The following DUSP16 variants were observed in gnomAD, a reference collection of about 807,000 sequenced individuals.
DUSP16 encodes the protein dual specificity phosphatase 16.
Under a neutral mutation model 58.3 loss-of-function variants are expected in DUSP16, and 21 were observed. That is an observed-to-expected ratio of 0.36 (90% confidence interval 0.26 to 0.52). The LOEUF is 0.52. Ranked by LOEUF, DUSP16 falls within the 20% of genes least tolerant of loss-of-function variation. The probability of loss-of-function intolerance (pLI) is 0.94; values close to 1 mark genes in which losing one functional copy is unlikely to be tolerated. For missense variants in DUSP16, 726 were observed against 819.0 expected, an observed-to-expected ratio of 0.89 and a Z score of 1.39; for synonymous variants, 320 against 323.8, an observed-to-expected ratio of 0.99 and a Z score of 0.12.
At chr12:12,552,086 T>C (rs921895044) in intron 1 of DUSP16, among the ~76,000 whole-genome samples, 1 of 152,192 alleles carries the variant, frequency 6.6e-6, no homozygotes, top group Non-Finnish European at 1.5e-5. Context: ...GATGGACCAG[T>C]GGATTTTAAT....
intron 1 of DUSP16, among the ~76,000 whole-genome samples, chr12:12,556,467 T>C (rs962871147): frequency 3.3e-5 from 5 of 151,934 alleles, no homozygotes; most frequent in Admixed American, 6.6e-5. Flanking sequence ...CTCAGCTACT[T>C]GGGAGGCTGA....
intron 1 of DUSP16, among the ~76,000 whole-genome samples, chr12:12,533,369 G>A (rs1403387001): frequency 1.3e-5 from 2 of 152,162 alleles, no homozygotes; most frequent in African/African-American, 2.4e-5. Context: ...CAATGGCTTC[G>A]TCACTATTCT....
rs1483076562 is a variant in DUSP16 at position 12,521,296 on chromosome 12, G to A, written c.-198C>T. ...ATGTCTCTTTCTCTTTCCCGTTGAT[G>A]TGCTCTTGCAAAGGACTCCGTCCAC... On this transcript the variant is annotated 5_prime_UTR_variant, in exon 2 of 7. Transcript: ENST00000298573. 7.7e-6 allele frequency: 11 copies of A among 1,428,134 alleles called. No homozygotes were observed. Among genetic ancestry groups the A allele is most frequent in the South Asian group, 1.5e-5 (1 of 66,368 alleles). The allele number at this position is 1,428,134 out of a possible 1,614,324, so 88.5% of individuals were successfully genotyped here.
chr12:12,522,994 A>C (rs10845573), intron 1 of DUSP16, among the ~76,000 whole-genome samples: 13,098 of 152,262 alleles, frequency 0.086, 1,036 homozygotes, highest in East Asian at 0.37. Context: ...TAAGATTCTA[A>C]ATAAATATTT....
chr12:12,525,404 G>A (rs1944291361), intron 1 of DUSP16, among the ~76,000 whole-genome samples: 1 of 151,988 alleles, frequency 6.6e-6, no homozygotes, highest in South Asian at 2.1e-4. Context: ...CAGTAGCTGG[G>A]ATTACAGGCA....
chr12:12,532,346 ATATACT>A (rs1185213411), intron 1 of DUSP16, among the ~76,000 whole-genome samples: 2 of 152,228 alleles, frequency 1.3e-5, no homozygotes, highest in Non-Finnish European at 2.9e-5. Context: ...TGGTGTAAAA[ATATACT>A]TATTGACAGC....
intron 3 of DUSP16, among the ~76,000 whole-genome samples, chr12:12,513,752 A>G (rs1394137875): frequency 6.6e-6 from 1 of 152,208 alleles, no homozygotes; most frequent in African/African-American, 2.4e-5. Context: ...CATTTTTCAC[A>G]TGCAGGTTGA....
chr12:12,543,353 T>C (rs1342825231), intron 1 of DUSP16, among the ~76,000 whole-genome samples: 2 of 152,188 alleles, frequency 1.3e-5, no homozygotes, highest in African/African-American at 4.8e-5. Context: ...ATGTATCATA[T>C]ATAAATATGA....
chr12:12,539,938 CGGGAGGCTG>C (rs932946358), intron 1 of DUSP16, among the ~76,000 whole-genome samples: 4 of 151,652 alleles, frequency 2.6e-5, no homozygotes, highest in African/African-American at 9.7e-5. Context: ...CCCAGCTACT[CGGGAGGCTG>C]GGGAGGCTGA....
chr12:12,506,149 GAC>G (rs1413664880), intron 3 of DUSP16: 12 of 152,290 alleles, frequency 7.9e-5, no homozygotes, highest in Non-Finnish European at 1.5e-4. Flanking sequence ...CAACAGATGA[GAC>G]ACTGCCTGAT....
At chr12:12,540,262 A>G (rs2136250649) in intron 1 of DUSP16, among the ~76,000 whole-genome samples, 1 of 151,594 alleles carries the variant, frequency 6.6e-6, no homozygotes, top group African/African-American at 2.4e-5. Flanking sequence ...AGCCCGGGAG[A>G]TAGAGGTTGC....
At chr12:12,502,771 G>C (rs1006055493) in intron 3 of DUSP16, among the ~76,000 whole-genome samples, 5 of 151,968 alleles carry the variant, frequency 3.3e-5, no homozygotes, top group Admixed American at 1.3e-4. Context: ...GGCTGATCTG[G>C]AACTCCTGAC....
rs1184200923 is a variant in DUSP16 at position 12,516,980 on chromosome 12, A to G, written c.367+2882T>C. Among the ~76,000 whole-genome samples the G allele has an allele frequency of 5.9e-5, 9 of 152,314 alleles. No homozygotes were observed. In the East Asian group the frequency reaches 1.7e-3, roughly 29 times the overall value. On this transcript the variant is annotated intron_variant, in intron 3 of 6. Coordinates refer to ENST00000298573, the MANE Select transcript of DUSP16 (RefSeq NM_030640.3). ...CTCCTTCAGTAATCCTTCATTTTTCATGACCATGTAAGTAGGTCCTCCAGG... is the reference window on the plus strand; with the variant it reads ...CTCCTTCAGTAATCCTTCATTTTTCGTGACCATGTAAGTAGGTCCTCCAGG...
intron 1 of DUSP16, among the ~76,000 whole-genome samples, chr12:12,554,242 G>C (rs1036823851): frequency 1.4e-5 from 2 of 143,990 alleles, no homozygotes; most frequent in Admixed American, 7.0e-5. Context: ...CTTTTGATTA[G>C]CTAATTAGCT....
At chr12:12,558,112 C>T (rs12817369) in intron 1 of DUSP16, among the ~76,000 whole-genome samples, 36,611 of 152,212 alleles carry the variant, frequency 0.24, 5,093 homozygotes, top group Non-Finnish European at 0.29. Context: ...TTCTCCATAA[C>T]ATGGGCCAGT....
chr12:12,527,210 G>A (rs1357958306), intron 1 of DUSP16, among the ~76,000 whole-genome samples: 1 of 151,974 alleles, frequency 6.6e-6, no homozygotes, highest in Non-Finnish European at 1.5e-5. Flanking sequence ...CAAAACTGAA[G>A]AAACAGGCAA....
chr12:12,478,573 T>C lies in DUSP16; in HGVS notation c.816-558A>G, dbSNP rs1943503860. Among the ~76,000 whole-genome samples, 3 of 152,160 alleles carry C rather than the reference T, an allele frequency of 2.0e-5. 1 individual carries two copies. In the South Asian group the frequency reaches 6.2e-4, roughly 32 times the overall value. On this transcript the variant is annotated intron_variant, in intron 6 of 6. Coordinates refer to ENST00000298573, the MANE Select transcript of DUSP16 (RefSeq NM_030640.3). ...CTGGTCTTGAACTTCTGGGCTCAAG[T>C]GATTCTCCCACCTTGGCCTCCCAAA...
chr12:12,479,194 A>G (rs1712090750), intron 6 of DUSP16, among the ~76,000 whole-genome samples: 1 of 152,158 alleles, frequency 6.6e-6, no homozygotes, highest in African/African-American at 2.4e-5. Context: ...CCAATTCTTC[A>G]GCGGCCCCTG....
chr12:12,487,186 T>C lies in DUSP16; in HGVS notation c.533A>G (p.Glu178Gly). The C allele has an allele frequency of 6.2e-7, 1 of 1,613,606 alleles. No homozygotes were observed. Among genetic ancestry groups the C allele is most frequent in the Non-Finnish European group, 8.5e-7 (1 of 1,179,584 alleles). Residue 178 changes from glutamate (E) to glycine (G), a missense_variant and splice_region_variant, in exon 5 of 7, where the codon GAG (glutamate) becomes GGG (glycine). Coordinates refer to ENST00000298573, the MANE Select transcript of DUSP16 (RefSeq NM_030640.3). ...ACCAATCCCATTCTGCTGCATCAGCTCCTATGGAGAGAAAGAGTAGCAGTT... is the reference window on the plus strand; with the variant it reads ...ACCAATCCCATTCTGCTGCATCAGCCCCTATGGAGAGAAAGAGTAGCAGTT... ...LGCQRDVLNK[E>G]LMQQNGIGYV... is the part of the protein sequence containing the mutation.
Sources: gnomAD v4.1 joint callset for allele counts (sites outside exome capture counted in the v4.1 genomes callset) on GRCh38, gnomAD v4.1.1 for gene constraint, MANE v1.5 for transcripts, NCBI Gene and HGNC (gene_info 2026-07-23, HGNC 2026-07-21) for gene names.